ADAMTS19: variants seen among roughly 807,000 people sequenced by gnomAD.
ADAMTS19 encodes A disintegrin and metalloproteinase with thrombospondin motifs 19.
In ADAMTS19, 93 loss-of-function variants were observed where a neutral mutation model predicts 153.3. That is an observed-to-expected ratio of 0.61 (90% CI 0.51 to 0.72). The LOEUF is 0.72. Among genes scored for constraint, ADAMTS19 ranks in the 30% least tolerant of loss-of-function variants. The probability of loss-of-function intolerance (pLI) is 0.00; values close to 1 mark genes in which losing one functional copy is unlikely to be tolerated. For synonymous variants in ADAMTS19, 600 were observed against 556.6 expected (o/e 1.08, Z -1.10); for missense variants, 1,482 against 1,552.1 (o/e 0.95, Z 0.76).
intron 2 of ADAMTS19, among the ~76,000 whole-genome samples, chr5:129,462,296 T>C (rs1158937091): frequency 6.6e-6 from 1 of 152,202 alleles, no homozygotes; most frequent in Non-Finnish European, 1.5e-5. Flanking sequence ...TGGACACCTG[T>C]TCACTGTTCT....
intron 20 of ADAMTS19, among the ~76,000 whole-genome samples, chr5:129,703,163 A>G (rs1441853783): frequency 6.6e-6 from 1 of 150,630 alleles, no homozygotes; most frequent in Non-Finnish European, 1.5e-5. Context: ...ACATATCCAG[A>G]ACAATTTTGG....
At chr5:129,463,185 A>C (rs1435699846) in intron 2 of ADAMTS19, among the ~76,000 whole-genome samples, 2 of 152,218 alleles carry the variant, frequency 1.3e-5, no homozygotes, top group Non-Finnish European at 2.9e-5. Context: ...TGGGGATTAA[A>C]TAATCACATA....
intron 6 of ADAMTS19, among the ~76,000 whole-genome samples, chr5:129,550,552 A>G (rs985894782): frequency 6.7e-6 from 1 of 149,860 alleles, no homozygotes; most frequent in African/African-American, 2.4e-5. Flanking sequence ...ATCTATACAT[A>G]TATCTATATA....
chr5:129,523,554 A>C (rs996761983), intron 3 of ADAMTS19, among the ~76,000 whole-genome samples: 1 of 152,208 alleles, frequency 6.6e-6, no homozygotes, highest in African/African-American at 2.4e-5. Context: ...TTGATTGTAC[A>C]CATGAATGGC....
At chr5:129,630,173 A>G (rs763836494) in intron 10 of ADAMTS19, among the ~76,000 whole-genome samples, 1 of 152,126 alleles carries the variant, frequency 6.6e-6, no homozygotes, top group African/African-American at 2.4e-5. Context: ...AAGCCAATGC[A>G]CAGACTGGAA....
At chr5:129,558,215 ACAATG>A (rs1753379603) in intron 7 of ADAMTS19, among the ~76,000 whole-genome samples, 1 of 152,120 alleles carries the variant, frequency 6.6e-6, no homozygotes, top group Non-Finnish European at 1.5e-5. Context: ...CTTCTATTCG[ACAATG>A]CACTGAAAAT....
At chr5:129,507,478 T>C (rs139442452) in intron 2 of ADAMTS19, among the ~76,000 whole-genome samples, 2 of 152,190 alleles carry the variant, frequency 1.3e-5, no homozygotes, top group East Asian at 3.9e-4. Flanking sequence ...AAATTCAAGC[T>C]AGTTTCAGAC....
intron 14 of ADAMTS19, among the ~76,000 whole-genome samples, chr5:129,655,761 A>G (rs1753521416): frequency 6.6e-6 from 1 of 152,236 alleles, no homozygotes; most frequent in Non-Finnish European, 1.5e-5. Flanking sequence ...GAACAACACG[A>G]AACTTAAATC....
In ADAMTS19 at chr5:129,495,920, A is replaced by G. The variant is rs1258791038; in HGVS notation, c.748-13157A>G. ...ATAAATCAGCAAGAGATTACAATAG[A>G]TTTTTAGCCTCTGTTCTCACTGGTG... On this transcript the variant is annotated intron_variant, in intron 2 of 22. Transcript: ENST00000274487. Among the ~76,000 whole-genome samples, 99 of 152,140 alleles carry G rather than the reference A, an allele frequency of 6.5e-4. 2 individuals are homozygous for G. The highest frequency in any genetic ancestry group is 6.5e-3 in the Admixed American group (99 of 15,256).
At chr5:129,721,558 T>A (rs926634651) in intron 21 of ADAMTS19, among the ~76,000 whole-genome samples, 1 of 152,228 alleles carries the variant, frequency 6.6e-6, no homozygotes, top group Admixed American at 6.5e-5. Flanking sequence ...AGGTTGAAGT[T>A]CACCTATTTT....
chr5:129,719,088 T>C (rs1756857959), intron 21 of ADAMTS19, among the ~76,000 whole-genome samples: 1 of 152,078 alleles, frequency 6.6e-6, no homozygotes, highest in Non-Finnish European at 1.5e-5. Context: ...TGTTTTTTTT[T>C]CCTTTAAGAA....
At chr5:129,563,299 C>G (rs543906843) in intron 7 of ADAMTS19, among the ~76,000 whole-genome samples, 1 of 152,070 alleles carries the variant, frequency 6.6e-6, no homozygotes, top group East Asian at 1.9e-4. Flanking sequence ...CATCTTTTTA[C>G]TTCAATACCT....
intron 21 of ADAMTS19, among the ~76,000 whole-genome samples, chr5:129,724,787 G>T (rs961408514): frequency 2.5e-4 from 38 of 152,106 alleles, no homozygotes; most frequent in African/African-American, 8.2e-4. Context: ...GAGATTGGTT[G>T]GACCCAGTGT....
intron 21 of ADAMTS19, among the ~76,000 whole-genome samples, chr5:129,731,327 T>C (rs1248064766): frequency 6.6e-6 from 1 of 152,022 alleles, no homozygotes; most frequent in African/African-American, 2.4e-5. Context: ...ACTGTAGAGG[T>C]AGAAATAGAA....
rs141602083 is a variant in ADAMTS19, at chr5:129,662,774, T to C, written c.2426-2725T>C. 8.0e-3 allele frequency among the ~76,000 whole-genome samples: 1,211 copies of C among 152,252 alleles called. 11 individuals carry two copies. Among genetic ancestry groups the C allele is most frequent in the African/African-American group, 0.027 (1,129 of 41,554 alleles). On this transcript the variant is annotated intron_variant, in intron 15 of 22. Transcript: ENST00000274487. ...AGTCACCTTTCTCTTTGATGCCTCA[T>C]GTTTGACATACAGCTTTTGACAGTT...
At position 129,550,480 on chromosome 5, in the gene ADAMTS19, G is replaced by T. The variant is rs536981100; in HGVS notation, c.1329-1384G>T. Among the ~76,000 whole-genome samples, 5 of 145,456 alleles carry T rather than the reference G, an allele frequency of 3.4e-5. No individual in the cohort carries two copies. In the East Asian group the frequency reaches 1.0e-3, roughly 30 times the overall value. On this transcript the variant is annotated intron_variant, in intron 6 of 22. Coordinates refer to ENST00000274487, the MANE Select transcript of ADAMTS19 (RefSeq NM_133638.6). Reference sequence around the variant, plus strand: ...CATATACATGTATCTGTATATGTATGTATCTAGATATACATATACATGTAT... The same window carrying T: ...CATATACATGTATCTGTATATGTATTTATCTAGATATACATATACATGTAT...
chr5:129,643,367 C>CAAAAAAAAAAAAAAAAAAA (rs556007087), intron 11 of ADAMTS19, among the ~76,000 whole-genome samples: 4 of 40,342 alleles, frequency 9.9e-5, no homozygotes, highest in African/African-American at 2.2e-4. Context: ...GTTTCAAAGA[C>CAAAAAAAAAAAAAAAAAAA]AAAAAAAAAA....
intron 8 of ADAMTS19, among the ~76,000 whole-genome samples, chr5:129,618,448 G>C (rs528849708): frequency 6.6e-6 from 1 of 151,992 alleles, no homozygotes; most frequent in African/African-American, 2.4e-5. Context: ...CATGGTGATA[G>C]AATTAGTCTT....
intron 6 of ADAMTS19, among the ~76,000 whole-genome samples, chr5:129,531,708 T>C (rs1405175779): frequency 1.3e-5 from 2 of 152,108 alleles, no homozygotes. Flanking sequence ...TATATATGTA[T>C]GTATATGAAC....
Sources: allele counts gnomAD v4.1 joint callset (sites outside exome capture counted in the v4.1 genomes callset), GRCh38; gene constraint gnomAD v4.1.1; transcripts MANE v1.5; gene names NCBI Gene and HGNC (gene_info 2026-07-23, HGNC 2026-07-21).